The following MBTD1 variants were observed in gnomAD, a reference collection of about 807,000 sequenced individuals.
MBTD1 encodes MBT domain-containing protein 1.
Under a neutral mutation model 87.8 loss-of-function variants are expected in MBTD1, and 24 were observed. That is an observed-to-expected ratio of 0.27 (90% CI 0.20 to 0.38). MBTD1 has a LOEUF of 0.38. Ranked by LOEUF, MBTD1 falls within the 10% of genes least tolerant of loss-of-function variation. MBTD1 has a pLI of 1.00. For missense variants in MBTD1, 436 were observed against 760.2 expected (o/e 0.57, Z 5.02); for synonymous variants, 237 against 248.6 (o/e 0.95, Z 0.44).
intron 2 of MBTD1, among the ~76,000 whole-genome samples, chr17:51,236,643 G>A (rs556131692): frequency 6.6e-6 from 1 of 152,178 alleles, no homozygotes; most frequent in South Asian, 2.1e-4. Context: ...TGTGGCACAA[G>A]GCCCGAGGCA....
intron 6 of MBTD1, among the ~76,000 whole-genome samples, chr17:51,212,374 G>T (rs1343082131): frequency 7.0e-6 from 1 of 143,598 alleles, no homozygotes; most frequent in African/African-American, 2.5e-5. Context: ...AAAAAGAAAA[G>T]AAAAGAAAAG....
At chr17:51,231,893 A>G (rs1212459684) in intron 2 of MBTD1, among the ~76,000 whole-genome samples, 1 of 151,926 alleles carries the variant, frequency 6.6e-6, no homozygotes, top group African/African-American at 2.4e-5. Context: ...AGGATAGAAT[A>G]CCAGCGAACT....
chr17:51,258,996 G>A lies in MBTD1; in HGVS notation c.-49+147C>T, dbSNP rs189466567. The A allele has an allele frequency of 1.3e-4, 50 of 391,530 alleles. No individual in the cohort carries two copies. The East Asian group carries it at 1.8e-3, about 14-fold the overall frequency. 24.3% of individuals were successfully genotyped at this position (391,530 alleles called of 1,614,324 possible). ...AGAGAAAATTTGAGAAGTAAAAAAA[G>A]GAGCAACTTAACCAGGACATGAATG... On this transcript the variant is annotated intron_variant, in intron 2 of 16. Coordinates refer to ENST00000586178, the MANE Select transcript of MBTD1 (RefSeq NM_017643.3).
intron 2 of MBTD1, chr17:51,249,887 A>G (rs930320574): frequency 6.6e-6 from 1 of 151,876 alleles, no homozygotes; most frequent in African/African-American, 2.4e-5. Flanking sequence ...AATTATTCTT[A>G]TTCTAGTTCT....
At chr17:51,256,630 G>A (rs2055105121) in intron 2 of MBTD1, 1 of 152,128 alleles carries the variant, frequency 6.6e-6, no homozygotes, top group African/African-American at 2.4e-5. Flanking sequence ...CAGACATTTG[G>A]CTACTTAAAT....
chr17:51,258,935 T>C (rs1429681251), intron 2 of MBTD1, among the ~76,000 whole-genome samples: 8 of 152,144 alleles, frequency 5.3e-5, no homozygotes, highest in South Asian at 2.1e-4. Flanking sequence ...ACACAAAATA[T>C]AGGCCAATGA....
intron 16 of MBTD1, among the ~76,000 whole-genome samples, chr17:51,180,940 T>C (rs955231975): frequency 6.6e-6 from 1 of 152,156 alleles, no homozygotes; most frequent in Admixed American, 6.6e-5. Context: ...AATGAGAATT[T>C]TGTTTGTGAT....
intron 12 of MBTD1, among the ~76,000 whole-genome samples, chr17:51,198,664 A>C (rs1042658257): frequency 1.3e-5 from 2 of 152,190 alleles, no homozygotes; most frequent in African/African-American, 4.8e-5. Context: ...CTGTTGTCAC[A>C]TGGGTGGGAT....
chr17:51,222,936 G>A (rs1287392254), intron 3 of MBTD1, among the ~76,000 whole-genome samples: 1 of 151,886 alleles, frequency 6.6e-6, no homozygotes, highest in Non-Finnish European at 1.5e-5. Flanking sequence ...GAATAGCTGG[G>A]ACTACAGGCA....
At chr17:51,235,832 G>C (rs909136619) in intron 2 of MBTD1, among the ~76,000 whole-genome samples, 16 of 152,092 alleles carry the variant, frequency 1.1e-4, no homozygotes, top group Non-Finnish European at 2.4e-4. Context: ...AACTGCAAAG[G>C]CTCTAGAATA....
upstream of MBTD1, chr17:51,260,912 C>T (rs906618867): frequency 5.0e-6 from 8 of 1,586,834 alleles, no homozygotes; most frequent in African/African-American, 4.1e-5. Context: ...GCTGCGGCGT[C>T]TGCGAGGCCC....
chr17:51,260,590 G>T (rs761316312), upstream of MBTD1: 1 of 1,611,816 alleles, frequency 6.2e-7, no homozygotes, highest in East Asian at 2.2e-5. Context: ...TAACGATGCC[G>T]CCGGAGCGGA....
intron 16 of MBTD1, chr17:51,183,580 A>C (rs1252020263): frequency 2.0e-5 from 3 of 152,256 alleles, no homozygotes; most frequent in Non-Finnish European, 2.9e-5. Context: ...CAAAGACAGA[A>C]AAGTGAATAC....
rs1220934495 is a variant in MBTD1, at chr17:51,206,771, TATATC to T, written c.604+112_604+116del. On this transcript the variant is annotated intron_variant, in intron 7 of 16. Transcript: ENST00000586178. ...GAAAACAATTTGCCAACCCCTGCCCTATATCATAACATATTTTTTATTTGGCAATA... is the reference window on the plus strand; with the variant it reads ...GAAAACAATTTGCCAACCCCTGCCCTATAACATATTTTTTATTTGGCAATA... 14 of 675,084 alleles carry T rather than the reference TATATC, an allele frequency of 2.1e-5. No homozygotes were observed. The Admixed American group carries it at 3.2e-4, about 16-fold the overall frequency. 41.8% of individuals were successfully genotyped at this position (675,084 alleles called of 1,614,324 possible).
At chr17:51,222,348 A>G (rs1012782576) in intron 3 of MBTD1, among the ~76,000 whole-genome samples, 7 of 152,238 alleles carry the variant, frequency 4.6e-5, no homozygotes, top group African/African-American at 1.7e-4. Flanking sequence ...TGTAGCTTTG[A>G]TAACAGGACT....
intron 2 of MBTD1, among the ~76,000 whole-genome samples, chr17:51,227,383 A>G (rs1472085587): frequency 6.6e-6 from 1 of 152,068 alleles, no homozygotes; most frequent in Non-Finnish European, 1.5e-5. Context: ...CAATATGGCA[A>G]AACTCCATCT....
intron 6 of MBTD1, among the ~76,000 whole-genome samples, chr17:51,211,349 T>C (rs563315781): frequency 9.9e-5 from 15 of 151,336 alleles, no homozygotes; most frequent in African/African-American, 3.6e-4. Flanking sequence ...AAAAAATTAA[T>C]ACAAAAAATT....
rs577136581 is a variant in MBTD1, at chr17:51,210,506, A to G, written c.487-3501T>C. 3.3e-5 allele frequency among the ~76,000 whole-genome samples: 5 copies of G among 151,794 alleles called. 1 individual carries two copies. The South Asian group carries it at 1.0e-3, about 32-fold the overall frequency. Reference sequence around the variant, plus strand: ...TGTGGTGGCTCACGCCTGTAATCCCAGCACTTTGGGAGGCTGAGGCAGGTG... The same window carrying G: ...TGTGGTGGCTCACGCCTGTAATCCCGGCACTTTGGGAGGCTGAGGCAGGTG... On this transcript the variant is annotated intron_variant, in intron 6 of 16. Coordinates refer to ENST00000586178, the MANE Select transcript of MBTD1 (RefSeq NM_017643.3).
intron 13 of MBTD1, 35 bp downstream of exon 13, chr17:51,195,179 A>T: frequency 6.3e-7 from 1 of 1,584,820 alleles, no homozygotes. Flanking sequence ...AGAAAGCAAC[A>T]ATTAAAACCC....
Sources: allele counts gnomAD v4.1 joint callset (sites outside exome capture counted in the v4.1 genomes callset), GRCh38; gene constraint gnomAD v4.1.1; transcripts MANE v1.5; gene names NCBI Gene and HGNC (gene_info 2026-07-23, HGNC 2026-07-21).